SCARB2: variants seen among roughly 807,000 people sequenced by gnomAD.
SCARB2 encodes scavenger receptor class B member 2.
Under a neutral mutation model 58.6 loss-of-function variants are expected in SCARB2, and 29 were observed. The observed-to-expected ratio is 0.49, with a 90% CI of 0.37 to 0.67. SCARB2 has a LOEUF of 0.67. Among genes scored for constraint, SCARB2 ranks in the 30% least tolerant of loss-of-function variants. SCARB2 has a pLI of 0.00. For synonymous variants in SCARB2, 195 were observed against 210.1 expected, an observed-to-expected ratio of 0.93 and a Z score of 0.62; for missense variants, 488 against 578.5, an observed-to-expected ratio of 0.84 and a Z score of 1.60.
chr4:76,223,145 C>T (rs988433862), intron 1 of SCARB2, among the ~76,000 whole-genome samples: 1 of 152,170 alleles, frequency 6.6e-6, no homozygotes, highest in Non-Finnish European at 1.5e-5. Context: ...GTTTGTACAC[C>T]ATTCAGTAAA....
intron 1 of SCARB2, among the ~76,000 whole-genome samples, chr4:76,205,857 G>C (rs1732920299): frequency 6.6e-6 from 1 of 152,172 alleles, no homozygotes; most frequent in Non-Finnish European, 1.5e-5. Context: ...GTCAGATATA[G>C]AGAAACATTT....
chr4:76,233,996 G>A (rs894232175), intron 1 of SCARB2, among the ~76,000 whole-genome samples: 1 of 152,226 alleles, frequency 6.6e-6, no homozygotes, highest in African/African-American at 2.4e-5. Flanking sequence ...TTATTCAAGT[G>A]GTTCCTTCAC....
intron 2 of SCARB2, among the ~76,000 whole-genome samples, chr4:76,181,776 G>A (rs1050512433): frequency 6.6e-6 from 1 of 152,076 alleles, no homozygotes; most frequent in Non-Finnish European, 1.5e-5. Flanking sequence ...ATGCTACCCA[G>A]GCTGGTCTTG....
intron 1 of SCARB2, among the ~76,000 whole-genome samples, chr4:76,221,033 C>G (rs1457444280): frequency 6.6e-6 from 1 of 152,184 alleles, no homozygotes; most frequent in African/African-American, 2.4e-5. Flanking sequence ...CTCACTGATT[C>G]CTAATCAACT....
chr4:76,174,452 A>G, intron 6 of SCARB2, 139 bp from the exon 7 acceptor site: 1 of 742,326 alleles, frequency 1.3e-6, no homozygotes, highest in Non-Finnish European at 2.4e-6. Context: ...TTTGGAAGGC[A>G]TTCTGTCAAC....
intron 1 of SCARB2, among the ~76,000 whole-genome samples, chr4:76,212,764 T>C (rs1477773290): frequency 6.6e-6 from 1 of 152,214 alleles, no homozygotes; most frequent in East Asian, 1.9e-4. Context: ...GTTCAGATTC[T>C]TGTAGGGTAT....
chr4:76,200,487 T>C (rs1347865526), intron 1 of SCARB2, among the ~76,000 whole-genome samples: 1 of 152,196 alleles, frequency 6.6e-6, no homozygotes, highest in Non-Finnish European at 1.5e-5. Flanking sequence ...AAAAACATAC[T>C]TTTCAGTTAA....
At chr4:76,178,087 T>C (rs2109945674) in intron 4 of SCARB2, among the ~76,000 whole-genome samples, 1 of 152,312 alleles carries the variant, frequency 6.6e-6, no homozygotes. Context: ...CAGGACCAAT[T>C]ATACCAGAAT....
At chr4:76,217,613 G>T (rs1733231926), upstream of SCARB2, 1 of 600,732 alleles carries the variant, frequency 1.7e-6, no homozygotes, top group Non-Finnish European at 3.0e-6. Context: ...ATCCAATGCA[G>T]ATGTCTGTGC....
rs745713855 is a variant in SCARB2, at chr4:76,179,660, CGAT to C, written c.466_468del (p.Ile156del). ...TGCTGATAGGCTTTCAACATGGCCTCGATGATCTCCCTGAGGAAGTGCACCTGG... is the reference window on the plus strand; with the variant it reads ...TGCTGATAGGCTTTCAACATGGCCTCGATCTCCCTGAGGAAGTGCACCTGG... On this transcript the variant is annotated inframe_deletion, in exon 4 of 12. Coordinates refer to ENST00000264896, the MANE Select transcript of SCARB2 (RefSeq NM_005506.4). 1.2e-6 allele frequency: 2 copies of C among 1,614,118 alleles called. No homozygotes were observed. Among genetic ancestry groups the C allele is most frequent in the African/African-American group, 2.7e-5 (2 of 75,052 alleles).
At chr4:76,194,873 C>T (rs577555406) in intron 2 of SCARB2, 4 of 152,166 alleles carry the variant, frequency 2.6e-5, no homozygotes, top group African/African-American at 7.2e-5. Flanking sequence ...TCCTGATTCC[C>T]CAGTGTTTGG....
chr4:76,165,136 G>C (rs1159887474), intron 10 of SCARB2: 1 of 152,114 alleles, frequency 6.6e-6, no homozygotes, highest in Non-Finnish European at 1.5e-5. Flanking sequence ...GGGCCCTTCT[G>C]CATTTTCAAA....
intron 1 of SCARB2, among the ~76,000 whole-genome samples, chr4:76,200,282 C>T (rs1732803439): frequency 6.6e-6 from 1 of 152,210 alleles, no homozygotes; most frequent in East Asian, 1.9e-4. Context: ...ATCAGTTTTA[C>T]AGTGTGACTC....
chr4:76,233,596 A>G (rs917181383), intron 1 of SCARB2, among the ~76,000 whole-genome samples: 1 of 152,044 alleles, frequency 6.6e-6, no homozygotes, highest in Non-Finnish European at 1.5e-5. Flanking sequence ...GCACACACAC[A>G]CACACACATA....
In SCARB2 at chr4:76,170,005, G is replaced by A. The variant is rs759680500; in HGVS notation, c.995-20C>T. 13 of 1,574,464 alleles carry A rather than the reference G, an allele frequency of 8.3e-6. No homozygotes were observed. Among genetic ancestry groups the A allele is most frequent in the Non-Finnish European group, 1.1e-5 (13 of 1,145,792 alleles). On this transcript the variant is annotated intron_variant, in intron 7 of 11. Transcript: ENST00000264896. ...GTGCACCTGCATTTGAAGGAAAACA[G>A]AAATGAATGATGCTGTTTTTAAAAT...
intron 1 of SCARB2, among the ~76,000 whole-genome samples, chr4:76,199,037 G>T (rs934727517): frequency 6.6e-6 from 1 of 152,096 alleles, no homozygotes; most frequent in Non-Finnish European, 1.5e-5. Flanking sequence ...TTACTGCCAC[G>T]CCAGCTGCAA....
At position 76,213,755 on chromosome 4, in the gene SCARB2, G is replaced by A. The variant is rs1733131641; in HGVS notation, c.-212C>T. On this transcript the variant is annotated 5_prime_UTR_variant, in exon 1 of 12. Coordinates refer to ENST00000264896, the MANE Select transcript of SCARB2 (RefSeq NM_005506.4). ...CGGGCGGATGGGGCCGCGGAGGGAC[G>A]GGCCCGGACTCGGTTTCGGTTTCCT... 6.6e-6 allele frequency: 3 copies of A among 456,760 alleles called. No homozygotes were observed. The highest frequency in any genetic ancestry group is 4.1e-5 in the East Asian group (1 of 24,488). 28.3% of individuals were successfully genotyped at this position (456,760 alleles called of 1,614,324 possible).
At chr4:76,229,652 TG>T (rs1733459269) in intron 1 of SCARB2, among the ~76,000 whole-genome samples, 1 of 152,204 alleles carries the variant, frequency 6.6e-6, no homozygotes, top group Non-Finnish European at 1.5e-5. Flanking sequence ...GGCTCCAGGC[TG>T]GTGCTGAGAA....
At chr4:76,170,614 T>C (rs1162701023) in intron 7 of SCARB2, among the ~76,000 whole-genome samples, 1 of 152,124 alleles carries the variant, frequency 6.6e-6, no homozygotes, top group African/African-American at 2.4e-5. Flanking sequence ...GCCTCCCAGG[T>C]TCAAGCAATT....
Sources: gnomAD v4.1 joint callset for allele counts (sites outside exome capture counted in the v4.1 genomes callset) on GRCh38, gnomAD v4.1.1 for gene constraint, MANE v1.5 for transcripts, NCBI Gene and HGNC (gene_info 2026-07-23, HGNC 2026-07-21) for gene names.